The following MAF variants were observed in gnomAD, a reference collection of about 807,000 sequenced individuals.
The protein encoded by MAF is transcription factor Maf.
In MAF, 10 loss-of-function variants were observed where a neutral mutation model predicts 22.0. The ratio of observed to expected loss-of-function variants is 0.45; its 90% CI spans 0.28 to 0.77. The LOEUF is 0.77. MAF is among the 30% of genes least tolerant of loss of function. MAF has a pLI of 0.12. For missense variants in MAF, 544 were observed against 548.4 expected, an observed-to-expected ratio of 0.99 and a Z score of 0.08; for synonymous variants, 337 against 255.8, an observed-to-expected ratio of 1.32 and a Z score of -3.03.
the MAF span, among the ~76,000 whole-genome samples, chr16:79,300,742 T>C: frequency 1.8e-4 from 28 of 152,122 alleles, no homozygotes; most frequent in South Asian, 6.2e-4. Flanking sequence ...TTAATTTATA[T>C]ACATTTTATT....
At chr16:79,310,375 CAG>C in the MAF span, among the ~76,000 whole-genome samples, 2 of 152,004 alleles carry the variant, frequency 1.3e-5, no homozygotes, top group East Asian at 1.9e-4. Context: ...GAGATAGAGA[CAG>C]AGAGTAAGAG....
chr16:79,235,839 T>C, the MAF span, among the ~76,000 whole-genome samples: 3 of 152,036 alleles, frequency 2.0e-5, no homozygotes, highest in Non-Finnish European at 4.4e-5. Flanking sequence ...ATGGTTGTTA[T>C]TGTCTTAACT....
At chr16:79,213,952 C>T in the MAF span, among the ~76,000 whole-genome samples, 642 of 152,252 alleles carry the variant, frequency 4.2e-3, 1 homozygote, top group Admixed American at 7.8e-3. Flanking sequence ...CAACTTCCAG[C>T]ACTTTATCCA....
the MAF span, chr16:79,505,709 G>A: frequency 6.6e-6 from 1 of 152,270 alleles, no homozygotes; most frequent in Non-Finnish European, 1.5e-5. Flanking sequence ...GACAAATAAG[G>A]TGAGGCGACT....
At chr16:79,408,440 C>T in the MAF span, among the ~76,000 whole-genome samples, 2 of 152,050 alleles carry the variant, frequency 1.3e-5, no homozygotes, top group Non-Finnish European at 2.9e-5. Flanking sequence ...CCTCCCAAAG[C>T]GCTGGGATTA....
the MAF span, among the ~76,000 whole-genome samples, chr16:79,389,834 G>T: frequency 1.3e-5 from 2 of 151,662 alleles, no homozygotes; most frequent in African/African-American, 4.8e-5. Flanking sequence ...AAATTAGCCA[G>T]GCGTGGTGGT....
the MAF span, among the ~76,000 whole-genome samples, chr16:79,536,780 T>C: frequency 6.6e-6 from 1 of 152,242 alleles, no homozygotes; most frequent in Non-Finnish European, 1.5e-5. Flanking sequence ...AGCATTTACA[T>C]TGTATTAGTT....
chr16:79,273,569 C>G, the MAF span, among the ~76,000 whole-genome samples: 2 of 152,168 alleles, frequency 1.3e-5, no homozygotes, highest in Non-Finnish European at 2.9e-5. Flanking sequence ...AATCTGTTTT[C>G]TTGCCTTTTC....
chr16:79,393,284 G>A, the MAF span, among the ~76,000 whole-genome samples: 11 of 152,218 alleles, frequency 7.2e-5, no homozygotes, highest in Non-Finnish European at 1.3e-4. Flanking sequence ...GGATTTCTTT[G>A]GGGGTTGGCT....
the MAF span, among the ~76,000 whole-genome samples, chr16:79,300,665 A>G: frequency 6.6e-6 from 1 of 151,922 alleles, no homozygotes; most frequent in Non-Finnish European, 1.5e-5. Flanking sequence ...CAAATCAATT[A>G]GAACAAAAAC....
At chr16:79,486,559 G>T in the MAF span, among the ~76,000 whole-genome samples, 2 of 152,128 alleles carry the variant, frequency 1.3e-5, no homozygotes, top group African/African-American at 4.8e-5. Context: ...AGATTCTCCC[G>T]CATAAGAAGG....
the MAF span, among the ~76,000 whole-genome samples, chr16:79,259,808 A>G: frequency 6.6e-6 from 1 of 152,172 alleles, no homozygotes; most frequent in Non-Finnish European, 1.5e-5. Flanking sequence ...AACAGCAGGA[A>G]TGGCCCAATG....
the MAF span, among the ~76,000 whole-genome samples, chr16:79,539,797 A>C: frequency 6.6e-6 from 1 of 152,218 alleles, no homozygotes; most frequent in Non-Finnish European, 1.5e-5. Context: ...TGCCTTTCTA[A>C]ATGCCACATG....
chr16:79,533,513 G>T, the MAF span, among the ~76,000 whole-genome samples: 1 of 152,124 alleles, frequency 6.6e-6, no homozygotes, highest in Non-Finnish European at 1.5e-5. Flanking sequence ...TCGTCCTCTG[G>T]TTGAGTGAGA....
At chr16:79,251,879 A>C in the MAF span, among the ~76,000 whole-genome samples, 1 of 152,202 alleles carries the variant, frequency 6.6e-6, no homozygotes, top group African/African-American at 2.4e-5. Flanking sequence ...AAAAGCCTTG[A>C]TATTTAAACT....
chr16:79,228,330 C>A, the MAF span, among the ~76,000 whole-genome samples: 1 of 152,064 alleles, frequency 6.6e-6, no homozygotes, highest in African/African-American at 2.4e-5. Flanking sequence ...ATAATTCACC[C>A]ATTAACTATC....
At chr16:79,342,320 G>C in the MAF span, among the ~76,000 whole-genome samples, 1 of 152,164 alleles carries the variant, frequency 6.6e-6, no homozygotes, top group Non-Finnish European at 1.5e-5. Flanking sequence ...CAGCGTCTTT[G>C]GGGTTCACAT....
the MAF span, among the ~76,000 whole-genome samples, chr16:79,492,889 C>G: frequency 0.032 from 4,943 of 152,114 alleles, 78 homozygotes; most frequent in South Asian, 0.045. Flanking sequence ...ATTGGGAGGG[C>G]TATGAAGGGG....
At chr16:79,501,894 T>A in the MAF span, among the ~76,000 whole-genome samples, 1 of 152,216 alleles carries the variant, frequency 6.6e-6, no homozygotes, top group African/African-American at 2.4e-5. Context: ...TTAGGAACTC[T>A]GTATTTTTCC....
Sources: allele counts gnomAD v4.1 joint callset (sites outside exome capture counted in the v4.1 genomes callset), GRCh38; gene constraint gnomAD v4.1.1; transcripts MANE v1.5; gene names NCBI Gene and HGNC (gene_info 2026-07-23, HGNC 2026-07-21).